SLC5A11: variants seen among roughly 807,000 people sequenced by gnomAD.
SLC5A11 encodes the protein sodium/myo-inositol cotransporter 2.
In SLC5A11, 48 loss-of-function variants were observed where a neutral mutation model predicts 69.8. The ratio of observed to expected loss-of-function variants is 0.69; its 90% CI spans 0.55 to 0.87. The LOEUF is 0.87. Among genes scored for constraint, SLC5A11 ranks in the 40% least tolerant of loss-of-function variants. SLC5A11 has a pLI of 0.00. For synonymous variants in SLC5A11, 319 were observed against 342.4 expected (o/e 0.93, Z 0.75); for missense variants, 784 against 866.1 (o/e 0.91, Z 1.19).
At chr16:24,846,466 TAGC>T (rs2152157568) in intron 1 of SLC5A11, 28 bp downstream of exon 2, 3 of 152,866 alleles carry the variant, frequency 2.0e-5, no homozygotes, top group African/African-American at 7.2e-5. Flanking sequence ...CCCAAACAGG[TAGC>T]CACTCTCCAA....
At chr16:24,887,223 TACAAGACAGAA>T (rs748520973) in intron 8 of SLC5A11, among the ~76,000 whole-genome samples, 10 of 152,190 alleles carry the variant, frequency 6.6e-5, no homozygotes, top group Non-Finnish European at 1.0e-4. Flanking sequence ...GTCTTGAAGG[TACAAGACAGAA>T]ACAAAACAAA....
At chr16:24,876,286 CTTT>C (rs2047669315) in intron 6 of SLC5A11, among the ~76,000 whole-genome samples, 1 of 152,000 alleles carries the variant, frequency 6.6e-6, no homozygotes, top group Non-Finnish European at 1.5e-5. Flanking sequence ...GCCAAAGCTT[CTTT>C]GTCAACATCT....
chr16:24,864,422 T>A (rs1178917495), intron 3 of SLC5A11, among the ~76,000 whole-genome samples: 2 of 152,190 alleles, frequency 1.3e-5, no homozygotes, highest in African/African-American at 4.8e-5. Flanking sequence ...TCAGACTTCA[T>A]AAACTTAATT....
chr16:24,880,554 G>A (rs182306550), intron 7 of SLC5A11, among the ~76,000 whole-genome samples: 9 of 152,112 alleles, frequency 5.9e-5, no homozygotes, highest in East Asian at 3.9e-4. Flanking sequence ...GGCTGGTTTC[G>A]AACTCCCATC....
chr16:24,866,686 A>G (rs573628236), intron 3 of SLC5A11, among the ~76,000 whole-genome samples: 1 of 152,268 alleles, frequency 6.6e-6, no homozygotes, highest in East Asian at 1.9e-4. Flanking sequence ...AAAGATGGAA[A>G]AATATATAAC....
chr16:24,877,500 T>C (rs1225169727), intron 7 of SLC5A11, 137 bp downstream of exon 8: 4 of 596,094 alleles, frequency 6.7e-6, no homozygotes, highest in South Asian at 2.7e-5. Flanking sequence ...TCCTTTACCC[T>C]AGATAAAAAG....
chr16:24,886,709 G>C (rs1200783932), intron 8 of SLC5A11, among the ~76,000 whole-genome samples: 1 of 152,136 alleles, frequency 6.6e-6, no homozygotes, highest in African/African-American at 2.4e-5. Flanking sequence ...AAAGAATACA[G>C]ACAGAGAGGT....
chr16:24,858,335 T>C (rs1358868126), intron 1 of SLC5A11, among the ~76,000 whole-genome samples: 1 of 152,210 alleles, frequency 6.6e-6, no homozygotes, highest in Non-Finnish European at 1.5e-5. Flanking sequence ...TGAAATCATC[T>C]GTACTATTGC....
chr16:24,851,414 T>C (rs2059300895), intron 1 of SLC5A11, among the ~76,000 whole-genome samples: 1 of 152,014 alleles, frequency 6.6e-6, no homozygotes, highest in South Asian at 2.1e-4. Flanking sequence ...TAATCCCAGC[T>C]ACCTGGGAGG....
At chr16:24,909,802 C>T (rs934708343) in intron 14 of SLC5A11, among the ~76,000 whole-genome samples, 1 of 144,186 alleles carries the variant, frequency 6.9e-6, no homozygotes, top group Non-Finnish European at 1.5e-5. Flanking sequence ...GCACTCCCAC[C>T]TGGGTGACAG....
At chr16:24,863,534 C>G (rs2046732696) in intron 3 of SLC5A11, among the ~76,000 whole-genome samples, 1 of 146,060 alleles carries the variant, frequency 6.8e-6, no homozygotes, top group African/African-American at 2.8e-5. Context: ...AAATTACAGG[C>G]CCGCACAGTT....
Position 24,872,235 on chromosome 16 carries a change from T to C in SLC5A11, c.372+16T>C, listed in dbSNP as rs773992966. On this transcript the variant is annotated intron_variant, in intron 5 of 15. Transcript: ENST00000347898. ...TGCTGGTCAGGTGAGTCGGGGGACATTGGGATGCTGTAGAATTGAAAGATG... is the reference window on the plus strand; with the variant it reads ...TGCTGGTCAGGTGAGTCGGGGGACACTGGGATGCTGTAGAATTGAAAGATG... 8.1e-6 allele frequency: 13 copies of C among 1,613,874 alleles called. No individual in the cohort carries two copies. The Admixed American group carries it at 2.0e-4, about 25-fold the overall frequency.
intron 5 of SLC5A11, among the ~76,000 whole-genome samples, chr16:24,875,385 T>C (rs1237406210): frequency 8.4e-6 from 1 of 118,828 alleles, no homozygotes; most frequent in Non-Finnish European, 1.7e-5. Context: ...GGTTTCACCA[T>C]GTTGCCCAGT....
chr16:24,875,719 C>T (rs1245299108), exon 6 of SLC5A11: 1 of 1,613,602 alleles, frequency 6.2e-7, no homozygotes, highest in Non-Finnish European at 8.5e-7. Flanking sequence ...TCTACATCTT[C>T]ACCAAGATCT....
intron 8 of SLC5A11, among the ~76,000 whole-genome samples, chr16:24,885,716 C>T (rs994697178): frequency 7.1e-6 from 1 of 140,156 alleles, no homozygotes; most frequent in East Asian, 2.1e-4. Flanking sequence ...CACAGAAAAG[C>T]GAAAGGGATC....
intron 14 of SLC5A11, among the ~76,000 whole-genome samples, chr16:24,909,643 CAAAA>C (rs35334841): frequency 2.2e-4 from 11 of 48,900 alleles, no homozygotes; most frequent in African/African-American, 8.3e-4. Flanking sequence ...CCCTGTCTCA[CAAAA>C]AAAAAAAAAA....
intron 7 of SLC5A11, among the ~76,000 whole-genome samples, chr16:24,882,100 G>A (rs2048086019): frequency 6.6e-6 from 1 of 152,202 alleles, no homozygotes; most frequent in Non-Finnish European, 1.5e-5. Context: ...GGTGTTCCTT[G>A]TTTGGAGGTC....
At position 24,858,778 on chromosome 16, in the gene SLC5A11, G is replaced by A. The variant is rs761923781; in HGVS notation, c.135G>A (p.Trp45Ter). The A allele has an allele frequency of 1.2e-5, 19 of 1,609,736 alleles. No homozygotes were observed. Among genetic ancestry groups the A allele is most frequent in the Admixed American group, 1.7e-5 (1 of 59,570 alleles). ...TCTTTGTCCTGGCTGTTGGACTATGGGTAAGCCAGGCCACTGGGGGATGGG... is the reference window on the plus strand; with the variant it reads ...TCTTTGTCCTGGCTGTTGGACTATGAGTAAGCCAGGCCACTGGGGGATGGG... The change falls in exon 2 of 16, where the codon TGG becomes TGA. Residue 45 changes from tryptophan (W) to a stop codon, truncating the protein, a stop_gained and splice_region_variant. Transcript: ENST00000347898. LOFTEE classifies it high-confidence loss of function.
At chr16:24,862,333 A>G (rs1375025472) in intron 2 of SLC5A11, among the ~76,000 whole-genome samples, 2 of 152,254 alleles carry the variant, frequency 1.3e-5, no homozygotes, top group African/African-American at 4.8e-5. Context: ...CTAAGACTCA[A>G]ATGTCTAGGG....
Sources: gnomAD v4.1 joint callset for allele counts (sites outside exome capture counted in the v4.1 genomes callset) on GRCh38, gnomAD v4.1.1 for gene constraint, MANE v1.5 for transcripts, NCBI Gene and HGNC (gene_info 2026-07-23, HGNC 2026-07-21) for gene names.